The following PAGE2B variants were observed in gnomAD, a reference collection of about 807,000 sequenced individuals.
The protein encoded by PAGE2B is putative G antigen family E member 3.
Under a neutral mutation model 7.6 loss-of-function variants are expected in PAGE2B, and 5 were observed. The ratio of observed to expected loss-of-function variants is 0.66; its 90% CI spans 0.34 to 1.38. The LOEUF is 1.38. PAGE2B is among the 40% of genes most tolerant of loss of function. PAGE2B has a pLI of 0.04. For synonymous variants in PAGE2B, 29 were observed against 26.7 expected (o/e 1.09, Z -0.27); for missense variants, 70 against 78.4 (o/e 0.89, Z 0.41).
chrX:55,073,217 A>T (rs1444022789), upstream of PAGE2B, among the ~76,000 whole-genome samples: 4 of 111,911 alleles, frequency 3.6e-5, no homozygotes, highest in Non-Finnish European at 7.5e-5. Flanking sequence ...ACAAGAGGGA[A>T]TCTCTTGGTC....
the PAGE2B span, among the ~76,000 whole-genome samples, chrX:55,041,118 G>C: frequency 1.3e-5 from 1 of 75,617 alleles, no homozygotes; most frequent in Non-Finnish European, 2.3e-5. Context: ...GTCTTTCTCT[G>C]TCGCCCAGGC....
intron 3 of PAGE2B, 42 bp from the exon 4 acceptor site, chrX:55,077,357 C>T (rs755601281): frequency 1.7e-5 from 20 of 1,203,995 alleles, no homozygotes; most frequent in Non-Finnish European, 2.2e-5. Flanking sequence ...GTTCATAGTT[C>T]ATGTTTTAAT....
chrX:55,065,808 A>C, the PAGE2B span, among the ~76,000 whole-genome samples: 1 of 112,388 alleles, frequency 8.9e-6, no homozygotes, highest in East Asian at 2.8e-4. Context: ...TGCATAAAAA[A>C]CCCAACAAAC....
At chrX:55,041,132 A>T in the PAGE2B span, among the ~76,000 whole-genome samples, 1 of 87,660 alleles carries the variant, frequency 1.1e-5, no homozygotes, top group Non-Finnish European at 2.1e-5. Flanking sequence ...CCCAGGCTGG[A>T]GTGCAGTGGT....
chrX:55,076,493 G>A (rs149441640), intron 2 of PAGE2B, 76 bp from the exon 3 acceptor site: 2 of 921,218 alleles, frequency 2.2e-6, no homozygotes, highest in Non-Finnish European at 3.0e-6. Context: ...GTCTTTAGAT[G>A]TGTGATTCGA....
At chrX:55,035,089 T>C in the PAGE2B span, among the ~76,000 whole-genome samples, 1 of 110,342 alleles carries the variant, frequency 9.1e-6, no homozygotes, top group Non-Finnish European at 1.9e-5. Flanking sequence ...GGGTTTGCCT[T>C]CCCCAGCCCA....
At chrX:55,048,735 A>G in the PAGE2B span, among the ~76,000 whole-genome samples, 1 of 111,681 alleles carries the variant, frequency 9.0e-6, no homozygotes, top group Non-Finnish European at 1.9e-5. Context: ...TAGATATACA[A>G]TCATGTCATC....
chrX:55,046,789 G>T, the PAGE2B span, among the ~76,000 whole-genome samples: 1 of 112,165 alleles, frequency 8.9e-6, no homozygotes, highest in Non-Finnish European at 1.9e-5. Context: ...ATCCAGTGGG[G>T]AGGATGCAGA....
upstream of PAGE2B, among the ~76,000 whole-genome samples, chrX:55,071,121 C>T (rs1936444538): frequency 1.8e-5 from 2 of 111,884 alleles, no homozygotes; most frequent in African/African-American, 6.5e-5. Flanking sequence ...GCAGTTTCTT[C>T]ATAGCGTTGT....
At chrX:55,057,720 C>G in the PAGE2B span, among the ~76,000 whole-genome samples, 1 of 112,021 alleles carries the variant, frequency 8.9e-6, no homozygotes, top group African/African-American at 3.2e-5. Flanking sequence ...AAAATCCCAG[C>G]AAATCTAACC....
chrX:55,044,268 T>C, the PAGE2B span, among the ~76,000 whole-genome samples: 1 of 111,372 alleles, frequency 9.0e-6, no homozygotes, highest in Non-Finnish European at 1.9e-5. Flanking sequence ...ATGTGGTGTA[T>C]ACACACCATG....
At chrX:55,047,223 C>A in the PAGE2B span, among the ~76,000 whole-genome samples, 2 of 110,887 alleles carry the variant, frequency 1.8e-5, no homozygotes, top group Non-Finnish European at 3.8e-5. Flanking sequence ...ATGATGGTTT[C>A]CAGCTTCATC....
chrX:55,070,343 G>A (rs772516578), upstream of PAGE2B, among the ~76,000 whole-genome samples: 1 of 112,052 alleles, frequency 8.9e-6, no homozygotes, highest in African/African-American at 3.2e-5. Context: ...TAGTTGTGAG[G>A]TTTTGAGTGA....
At chrX:55,040,877 C>T in the PAGE2B span, among the ~76,000 whole-genome samples, 2 of 110,988 alleles carry the variant, frequency 1.8e-5, no homozygotes, top group African/African-American at 3.3e-5. Flanking sequence ...GGTTTGCTTG[C>T]GTTCTTCCCC....
At chrX:55,076,183 T>G (rs1936510981) in intron 2 of PAGE2B, 58 bp downstream of exon 2, 2 of 1,144,436 alleles carry the variant, frequency 1.7e-6, no homozygotes. Flanking sequence ...AGAAATATTT[T>G]TGAGCTAGTG....
chrX:55,050,585 T>G, the PAGE2B span, among the ~76,000 whole-genome samples: 3 of 111,009 alleles, frequency 2.7e-5, no homozygotes, highest in African/African-American at 9.9e-5. Flanking sequence ...TCTCTTTTGA[T>G]CTTTGTTGGT....
At chrX:55,045,260 C>T in the PAGE2B span, 1 of 111,797 alleles carries the variant, frequency 8.9e-6, no homozygotes, top group African/African-American at 3.3e-5. Context: ...GGTCATAAGG[C>T]TTCAGTTCTT....
chrX:55,062,134 TA>T, the PAGE2B span, among the ~76,000 whole-genome samples: 1 of 111,596 alleles, frequency 9.0e-6, no homozygotes, highest in African/African-American at 3.3e-5. Context: ...TGTTGGATCG[TA>T]TGGTAGCTCT....
At chrX:55,074,259 C>G (rs1487830702), upstream of PAGE2B, among the ~76,000 whole-genome samples, 2 of 111,430 alleles carry the variant, frequency 1.8e-5, no homozygotes, top group Non-Finnish European at 3.8e-5. Flanking sequence ...AATATTTTAG[C>G]ACCTGATCAA....
Sources: allele counts gnomAD v4.1 joint callset (sites outside exome capture counted in the v4.1 genomes callset), GRCh38; gene constraint gnomAD v4.1.1; transcripts MANE v1.5; gene names NCBI Gene and HGNC (gene_info 2026-07-23, HGNC 2026-07-21).